DLGAP2: variants seen among roughly 807,000 people sequenced by gnomAD.
The protein encoded by DLGAP2 is disks large-associated protein 2.
In DLGAP2, 26 loss-of-function variants were observed where a neutral mutation model predicts 100.3. The observed-to-expected ratio is 0.26, with a 90% CI of 0.19 to 0.36. The LOEUF (loss-of-function observed/expected upper bound fraction) is 0.36, where lower values mean the gene tolerates loss of function less well. Among genes scored for constraint, DLGAP2 ranks in the 10% least tolerant of loss-of-function variants. DLGAP2 has a pLI of 1.00. For synonymous variants in DLGAP2, 886 were observed against 630.1 expected (o/e 1.41, Z -6.08); for missense variants, 1,858 against 1,453.2 (o/e 1.28, Z -4.53).
chr8:1,506,660 C>T (rs1398380032), intron 4 of DLGAP2, among the ~76,000 whole-genome samples: 1 of 152,194 alleles, frequency 6.6e-6, no homozygotes, highest in Non-Finnish European at 1.5e-5. Flanking sequence ...TCTGGCCCCA[C>T]CCACATCCTG....
intron 2 of DLGAP2, among the ~76,000 whole-genome samples, chr8:1,101,095 A>G (rs1804563719): frequency 6.6e-6 from 1 of 152,232 alleles, no homozygotes; most frequent in East Asian, 1.9e-4. Flanking sequence ...GAAGGGCCTG[A>G]ACGGCATCTT....
chr8:1,376,408 C>G (rs902997875), intron 3 of DLGAP2, among the ~76,000 whole-genome samples: 1 of 152,232 alleles, frequency 6.6e-6, no homozygotes. Flanking sequence ...AAAAGCGCCC[C>G]GCTGCATGGC....
intron 1 of DLGAP2, chr8:754,306 A>G (rs1399433545): frequency 6.6e-6 from 1 of 152,182 alleles, no homozygotes; most frequent in African/African-American, 2.4e-5. Flanking sequence ...TCTGTTCCAC[A>G]CTGACATGGA....
rs375573412 is a variant in DLGAP2 at position 1,316,505 on chromosome 8, A to G, written c.106+57622A>G. Among the ~76,000 whole-genome samples the G allele has an allele frequency of 4.4e-3, 551 of 125,150 alleles. 6 individuals are homozygous for G. The highest frequency in any genetic ancestry group is 0.018 in the South Asian group (66 of 3,578). 82.1% of individuals were successfully genotyped at this position (125,150 alleles called of 152,430 possible). ...TGTGCGAGTGCAGCGTCTCTCCAAC[A>G]GTGGTCTACACTCGAGACACTCGGC... On this transcript the variant is annotated intron_variant, in intron 3 of 14. Transcript: ENST00000637795.
intron 3 of DLGAP2, among the ~76,000 whole-genome samples, chr8:1,287,743 G>A (rs1799972951): frequency 1.0e-5 from 1 of 99,574 alleles, no homozygotes; most frequent in African/African-American, 4.5e-5. Context: ...TTCTGTTAGG[G>A]GAACTAGTTT....
chr8:917,612 C>T (rs1054200386), intron 2 of DLGAP2, among the ~76,000 whole-genome samples: 3 of 151,730 alleles, frequency 2.0e-5, no homozygotes, highest in Non-Finnish European at 2.9e-5. Flanking sequence ...GACAGGGTCT[C>T]GCTCTGTTGC....
chr8:848,115 C>G (rs1797104352), intron 1 of DLGAP2, among the ~76,000 whole-genome samples: 1 of 152,180 alleles, frequency 6.6e-6, no homozygotes. Context: ...GTCGTGTTTC[C>G]TTTTCCAAAA....
chr8:1,219,251 G>A (rs1183571478), intron 2 of DLGAP2, among the ~76,000 whole-genome samples: 1 of 152,178 alleles, frequency 6.6e-6, no homozygotes, highest in Admixed American at 6.5e-5. Context: ...GATGTTGGCT[G>A]TGGTTTTGTC....
At chr8:807,170 C>T (rs918464557) in intron 1 of DLGAP2, among the ~76,000 whole-genome samples, 1 of 152,262 alleles carries the variant, frequency 6.6e-6, no homozygotes, top group Non-Finnish European at 1.5e-5. Flanking sequence ...TTCATCTTCT[C>T]ATCCTAAACT....
chr8:1,007,059 C>CGTTGTGT (rs1469958286), intron 2 of DLGAP2, among the ~76,000 whole-genome samples: 50 of 151,722 alleles, frequency 3.3e-4, no homozygotes, highest in Non-Finnish European at 6.0e-4. Flanking sequence ...GTTGGGGACA[C>CGTTGTGT]CTTGTGTCTG....
intron 2 of DLGAP2, among the ~76,000 whole-genome samples, chr8:1,158,041 C>T (rs993511637): frequency 6.6e-6 from 1 of 152,244 alleles, no homozygotes; most frequent in Non-Finnish European, 1.5e-5. Flanking sequence ...ATGGCCCACC[C>T]TAGCTTATGG....
chr8:1,681,404 G>A lies in DLGAP2; in HGVS notation c.2704+2775G>A, dbSNP rs544361794. Among the ~76,000 whole-genome samples, 139 of 152,204 alleles carry A rather than the reference G, an allele frequency of 9.1e-4. 2 individuals carry two copies. Among genetic ancestry groups the A allele is most frequent in the South Asian group, 8.5e-3 (41 of 4,822 alleles). ...TCCCAGCACTTTGTGAGGCTGAGGC[G>A]GGAGGACTGCTTGTGCCCAGGAGTT... On this transcript the variant is annotated intron_variant, in intron 12 of 14. Transcript: ENST00000637795.
chr8:837,132 C>A (rs1471465347), intron 1 of DLGAP2, among the ~76,000 whole-genome samples: 1 of 152,238 alleles, frequency 6.6e-6, no homozygotes, highest in Middle Eastern at 3.2e-3. Flanking sequence ...CCATCTGTGA[C>A]ACGTGGGTGG....
chr8:1,377,704 A>G (rs1438385691), intron 3 of DLGAP2, among the ~76,000 whole-genome samples: 1 of 152,150 alleles, frequency 6.6e-6, no homozygotes, highest in East Asian at 1.9e-4. Flanking sequence ...ATCTGAGTGC[A>G]GCTCCCTCCT....
intron 2 of DLGAP2, among the ~76,000 whole-genome samples, chr8:969,255 C>A (rs1041598458): frequency 6.6e-6 from 1 of 152,186 alleles, no homozygotes; most frequent in Non-Finnish European, 1.5e-5. Flanking sequence ...CCTGGGTCTC[C>A]AGCCTGCAGG....
chr8:1,595,283 CT>C, intron 6 of DLGAP2, among the ~76,000 whole-genome samples: 1 of 151,920 alleles, frequency 6.6e-6, no homozygotes, highest in Admixed American at 6.6e-5. Flanking sequence ...TATATATAAA[CT>C]TTTTATTGAC....
chr8:821,477 A>G (rs1230065558), intron 1 of DLGAP2, among the ~76,000 whole-genome samples: 1 of 152,232 alleles, frequency 6.6e-6, no homozygotes, highest in Non-Finnish European at 1.5e-5. Flanking sequence ...AATTTCATGC[A>G]TTAGTATGCC....
rs896423227 is a variant in DLGAP2 at position 1,707,613 on chromosome 8, C to T, written c.*6207C>T. On this transcript the variant is annotated 3_prime_UTR_variant, in exon 15 of 15. Transcript: ENST00000637795. ...AACGGTAAGCCACTTCGCTCTCGGG[C>T]AGGACAGGTCCTCCCTGCAGAGAGA... 1.3e-5 allele frequency: 2 copies of T among 152,128 alleles called. No homozygotes were observed. The highest frequency in any genetic ancestry group is 4.8e-5 in the African/African-American group (2 of 41,432). The allele number at this position is 152,128 out of a possible 1,614,324, so 9.4% of individuals were successfully genotyped here.
At chr8:1,414,977 C>T (rs1190938180) in intron 3 of DLGAP2, among the ~76,000 whole-genome samples, 3 of 151,822 alleles carry the variant, frequency 2.0e-5, no homozygotes, top group East Asian at 1.9e-4. Context: ...CCCCTGCACT[C>T]GAGCCTGGGC....
Sources: gnomAD v4.1 joint callset for allele counts (sites outside exome capture counted in the v4.1 genomes callset) on GRCh38, gnomAD v4.1.1 for gene constraint, MANE v1.5 for transcripts, NCBI Gene and HGNC (gene_info 2026-07-23, HGNC 2026-07-21) for gene names.